SAMD12: variants seen among roughly 807,000 people sequenced by gnomAD.
SAMD12 encodes sterile alpha motif domain-containing protein 12.
A neutral mutation model predicts 15.0 loss-of-function variants in SAMD12; 9 were observed. The observed-to-expected ratio is 0.60, with a 90% CI of 0.36 to 1.05. The LOEUF is 1.05. Ranked by LOEUF, SAMD12 falls within the 50% of genes least tolerant of loss-of-function variation. SAMD12 has a pLI of 0.01. For missense variants in SAMD12, 230 were observed against 234.2 expected (o/e 0.98, Z 0.12); for synonymous variants, 86 against 90.1 (o/e 0.96, Z 0.25).
chr8:118,431,896 A>G (rs1372258177), intron 3 of SAMD12, among the ~76,000 whole-genome samples: 1 of 152,050 alleles, frequency 6.6e-6, no homozygotes, highest in East Asian at 1.9e-4. Context: ...ACATCTTTTA[A>G]TATAGTCCCA....
At chr8:118,210,082 G>A (rs1209910220) in intron 4 of SAMD12, among the ~76,000 whole-genome samples, 1 of 152,182 alleles carries the variant, frequency 6.6e-6, no homozygotes, top group Non-Finnish European at 1.5e-5. Context: ...TATTCTGTCA[G>A]GGTCCAGGAG....
intron 4 of SAMD12, among the ~76,000 whole-genome samples, chr8:118,207,609 G>A (rs1819897302): frequency 6.6e-6 from 1 of 152,064 alleles, no homozygotes; most frequent in South Asian, 2.1e-4. Flanking sequence ...TTCTCTCATT[G>A]CTTCTACACC....
intron 2 of SAMD12, among the ~76,000 whole-genome samples, chr8:118,532,853 C>T (rs779408309): frequency 2.1e-4 from 32 of 152,036 alleles, no homozygotes; most frequent in Non-Finnish European, 3.5e-4. Context: ...GTCTTTCTAG[C>T]GGTCTATCAA....
intron 4 of SAMD12, among the ~76,000 whole-genome samples, chr8:118,362,794 C>G (rs1818571198): frequency 6.6e-6 from 1 of 152,176 alleles, no homozygotes; most frequent in African/African-American, 2.4e-5. Context: ...TGGCAACTAG[C>G]AAAATTTCAC....
At chr8:118,528,386 G>A (rs192121321) in intron 2 of SAMD12, among the ~76,000 whole-genome samples, 12 of 152,246 alleles carry the variant, frequency 7.9e-5, no homozygotes, top group African/African-American at 2.6e-4. Context: ...TTCGTTTATA[G>A]TCTGAAATAG....
chr8:118,515,789 T>C (rs1268163713), intron 2 of SAMD12, among the ~76,000 whole-genome samples: 1 of 152,166 alleles, frequency 6.6e-6, no homozygotes, highest in African/African-American at 2.4e-5. Context: ...AACTGGCAAA[T>C]CCCAAATTCT....
At chr8:118,265,866 A>G (rs905099424) in intron 4 of SAMD12, among the ~76,000 whole-genome samples, 2 of 152,116 alleles carry the variant, frequency 1.3e-5, no homozygotes, top group African/African-American at 4.8e-5. Context: ...GTGAAGAACC[A>G]TAGGGCTGCA....
Position 118,419,137 on chromosome 8 carries a change from G to T in SAMD12, c.322+20695C>A, listed in dbSNP as rs531089284. Among the ~76,000 whole-genome samples the T allele has an allele frequency of 1.2e-4, 18 of 152,186 alleles. No homozygotes were observed. The East Asian group carries it at 2.5e-3, about 21-fold the overall frequency. ...AGAAGGCTCTATTCTAGTCAACTGT[G>T]AATGTGCTGAGTATTTAATTGACAA... is the stretch of plus-strand genomic sequence containing the variant. On this transcript the variant is annotated intron_variant, in intron 3 of 3. Transcript: ENST00000314727.
chr8:118,591,527 A>C (rs1586841674), intron 1 of SAMD12, among the ~76,000 whole-genome samples: 1 of 152,244 alleles, frequency 6.6e-6, no homozygotes, highest in East Asian at 1.9e-4. Flanking sequence ...CCTACATCAC[A>C]GTAGACAAAT....
chr8:118,134,587 T>C, the SAMD12 span, among the ~76,000 whole-genome samples: 2 of 152,188 alleles, frequency 1.3e-5, no homozygotes, highest in East Asian at 1.9e-4. Context: ...CCAGAAACTC[T>C]GGAGCAGGGA....
intron 1 of SAMD12, among the ~76,000 whole-genome samples, chr8:118,581,808 A>G (rs1228421870): frequency 6.6e-6 from 1 of 152,106 alleles, no homozygotes; most frequent in Non-Finnish European, 1.5e-5. Flanking sequence ...GTAGTAAATT[A>G]TTTCATTTCC....
chr8:118,250,735 C>T (rs1812802080), intron 4 of SAMD12, among the ~76,000 whole-genome samples: 1 of 151,772 alleles, frequency 6.6e-6, no homozygotes, highest in Non-Finnish European at 1.5e-5. Context: ...GAATTCCTAG[C>T]CTCAAGTAAT....
At chr8:118,152,320 A>G in the SAMD12 span, among the ~76,000 whole-genome samples, 6 of 152,322 alleles carry the variant, frequency 3.9e-5, no homozygotes, top group East Asian at 1.2e-3. Flanking sequence ...AACATTTAAG[A>G]TTTAGGATTG....
intron 4 of SAMD12, among the ~76,000 whole-genome samples, chr8:118,360,952 T>C (rs750420235): frequency 6.6e-6 from 1 of 152,178 alleles, no homozygotes; most frequent in African/African-American, 2.4e-5. Flanking sequence ...CATCTCTGCT[T>C]AAAGCTCTTC....
the SAMD12 span, among the ~76,000 whole-genome samples, chr8:118,147,943 C>CT: frequency 1.0e-3 from 147 of 142,614 alleles, 1 homozygote; most frequent in South Asian, 9.2e-3. Context: ...GAGATAGAGC[C>CT]TTTTTTTTTT....
At chr8:118,158,323 G>C in the SAMD12 span, among the ~76,000 whole-genome samples, 1 of 152,250 alleles carries the variant, frequency 6.6e-6, no homozygotes, top group East Asian at 1.9e-4. Context: ...ACAGAAAATA[G>C]TACTGATGGC....
At position 118,621,839 on chromosome 8, in the gene SAMD12, A is replaced by G; in HGVS notation, c.-23T>C. The G allele has an allele frequency of 6.2e-7, 1 of 1,613,894 alleles. No individual in the cohort carries two copies. The highest frequency in any genetic ancestry group is 1.7e-5 in the Admixed American group (1 of 60,022). On this transcript the variant is annotated 5_prime_UTR_variant, in exon 1 of 4. It removes an upstream start codon present in the reference 5' UTR. Transcript: ENST00000314727. ...CATTCTCTCAGAGCTTCCCTAACGC[A>G]TGCATAATTTTCTTGGCCGAGGTAC...
At chr8:118,367,114 T>C (rs1416059688) in intron 4 of SAMD12, among the ~76,000 whole-genome samples, 11 of 151,456 alleles carry the variant, frequency 7.3e-5, no homozygotes, top group Admixed American at 3.3e-4. Context: ...AATGGGAGGC[T>C]TGAACATCTA....
At chr8:118,169,410 T>G in the SAMD12 span, among the ~76,000 whole-genome samples, 2 of 152,160 alleles carry the variant, frequency 1.3e-5, no homozygotes, top group East Asian at 3.9e-4. Flanking sequence ...ATGATACACT[T>G]TCTTTTTAAA....
Sources: allele counts gnomAD v4.1 joint callset (sites outside exome capture counted in the v4.1 genomes callset), GRCh38; gene constraint gnomAD v4.1.1; transcripts MANE v1.5; gene names NCBI Gene and HGNC (gene_info 2026-07-23, HGNC 2026-07-21).